Variants in LUZP2 observed in about 807,000 individuals in gnomAD.
LUZP2 encodes the protein leucine zipper protein 2.
A neutral mutation model predicts 51.6 loss-of-function variants in LUZP2; 52 were observed. The observed-to-expected ratio is 1.01, with a 90% CI of 0.81 to 1.27. The LOEUF (loss-of-function observed/expected upper bound fraction) is 1.27, where lower values mean the gene tolerates loss of function less well. Ranked by LOEUF, LUZP2 falls within the 50% of genes most tolerant of loss-of-function variation. The pLI, the probability that LUZP2 is intolerant of heterozygous loss-of-function variation, is 0.00. For synonymous variants in LUZP2, 154 were observed against 137.3 expected (o/e 1.12, Z -0.85); for missense variants, 436 against 395.4 (o/e 1.10, Z -0.87).
At chr11:25,010,223 A>G (rs1303619907) in intron 9 of LUZP2, among the ~76,000 whole-genome samples, 5 of 152,184 alleles carry the variant, frequency 3.3e-5, no homozygotes, top group African/African-American at 1.2e-4. Context: ...TTATTTTAAC[A>G]TATTTAAGAA....
intron 10 of LUZP2, among the ~76,000 whole-genome samples, chr11:25,067,573 A>G (rs1030944296): frequency 3.9e-5 from 6 of 152,034 alleles, no homozygotes; most frequent in Non-Finnish European, 5.9e-5. Context: ...CATGTGAAAA[A>G]TGCTCATCAT....
At chr11:24,904,553 G>A (rs1158930950) in intron 5 of LUZP2, among the ~76,000 whole-genome samples, 1 of 152,128 alleles carries the variant, frequency 6.6e-6, no homozygotes, top group Non-Finnish European at 1.5e-5. Context: ...AAAGTGCTGG[G>A]ATTACAGGCA....
At chr11:24,980,544 G>T (rs181223204) in intron 8 of LUZP2, among the ~76,000 whole-genome samples, 1 of 151,456 alleles carries the variant, frequency 6.6e-6, no homozygotes, top group Non-Finnish European at 1.5e-5. Flanking sequence ...TATAACAAGC[G>T]TGTGTTGTGT....
chr11:24,747,585 A>C (rs1279718429), intron 4 of LUZP2, among the ~76,000 whole-genome samples: 2 of 152,108 alleles, frequency 1.3e-5, no homozygotes, highest in Non-Finnish European at 2.9e-5. Context: ...GAGACAAACC[A>C]ACAGTGAGCA....
At chr11:24,830,798 T>A (rs917237194) in intron 5 of LUZP2, among the ~76,000 whole-genome samples, 4 of 151,620 alleles carry the variant, frequency 2.6e-5, no homozygotes, top group Non-Finnish European at 4.4e-5. Context: ...ATCGAGACCA[T>A]CCTGGCTAAC....
chr11:24,954,851 C>T (rs1255475358), intron 7 of LUZP2, among the ~76,000 whole-genome samples: 2 of 152,002 alleles, frequency 1.3e-5, no homozygotes, highest in East Asian at 1.9e-4. Context: ...AAATGATATT[C>T]GTAGTGCAAA....
At chr11:24,713,712 G>T (rs2133936397) in intron 1 of LUZP2, among the ~76,000 whole-genome samples, 1 of 114,650 alleles carries the variant, frequency 8.7e-6, no homozygotes, top group African/African-American at 3.3e-5. Context: ...TTTCTGAGAT[G>T]GAGTCTTGCT....
At chr11:25,064,352 G>C (rs1017557338) in intron 10 of LUZP2, among the ~76,000 whole-genome samples, 2 of 151,886 alleles carry the variant, frequency 1.3e-5, no homozygotes, top group Admixed American at 1.3e-4. Flanking sequence ...CTTTATAATT[G>C]CTTGTTAAAT....
At chr11:24,805,690 G>T (rs1849834061) in intron 5 of LUZP2, among the ~76,000 whole-genome samples, 1 of 152,122 alleles carries the variant, frequency 6.6e-6, no homozygotes, top group South Asian at 2.1e-4. Flanking sequence ...TGGCCATTGA[G>T]GTTTTCTAGC....
At chr11:24,528,266 G>T (rs751838742) in intron 1 of LUZP2, among the ~76,000 whole-genome samples, 8 of 150,404 alleles carry the variant, frequency 5.3e-5, no homozygotes, top group Non-Finnish European at 1.2e-4. Flanking sequence ...GAGAAGCACT[G>T]GTTTAAAAAA....
At position 24,598,605 on chromosome 11, in the gene LUZP2, A is replaced by G. The variant is rs78173999; in HGVS notation, c.62+101300A>G. 3.7e-3 allele frequency among the ~76,000 whole-genome samples: 561 copies of G among 152,242 alleles called. 3 individuals are homozygous for G. The highest frequency in any genetic ancestry group is 0.013 in the African/African-American group (542 of 41,554). On this transcript the variant is annotated intron_variant, in intron 1 of 11. Transcript: ENST00000336930. ...ACTGTGTTCAGAAAAAACAAAAATG[A>G]TGCTTTCATATGGTCCCTGAAAATA...
intron 1 of LUZP2, among the ~76,000 whole-genome samples, chr11:24,728,834 G>A (rs1237379063): frequency 1.3e-5 from 2 of 151,982 alleles, no homozygotes; most frequent in Non-Finnish European, 2.9e-5. Flanking sequence ...TAAAGAAAAA[G>A]AGGTTTAGTG....
At chr11:24,952,228 T>C (rs1855098677) in intron 7 of LUZP2, among the ~76,000 whole-genome samples, 2 of 151,712 alleles carry the variant, frequency 1.3e-5, no homozygotes, top group Non-Finnish European at 2.9e-5. Context: ...CTATGTATCG[T>C]GATCACATTT....
intron 1 of LUZP2, among the ~76,000 whole-genome samples, chr11:24,642,806 A>T (rs868735966): frequency 2.0e-5 from 3 of 152,120 alleles, no homozygotes; most frequent in Non-Finnish European, 4.4e-5. Flanking sequence ...AAGTTATTGA[A>T]TGGAAAATTA....
intron 10 of LUZP2, among the ~76,000 whole-genome samples, chr11:25,071,254 A>T (rs1372851241): frequency 6.6e-6 from 1 of 152,042 alleles, no homozygotes; most frequent in African/African-American, 2.4e-5. Flanking sequence ...TTTCACATAT[A>T]TTTATATGTC....
At chr11:24,610,155 C>T (rs1042983661) in intron 1 of LUZP2, among the ~76,000 whole-genome samples, 27 of 152,090 alleles carry the variant, frequency 1.8e-4, no homozygotes, top group Admixed American at 1.7e-3. Context: ...CGAAGAGGAA[C>T]GTGATGGGGA....
intron 9 of LUZP2, among the ~76,000 whole-genome samples, chr11:25,042,453 A>G (rs1205930233): frequency 6.6e-6 from 1 of 152,194 alleles, no homozygotes; most frequent in Non-Finnish European, 1.5e-5. Context: ...GGGAATATTA[A>G]ATTATTTTGC....
Position 24,735,555 on chromosome 11 carries a change from G to T in LUZP2, c.252-2666G>T, listed in dbSNP as rs1312131984. On this transcript the variant is annotated intron_variant, in intron 3 of 11. Transcript: ENST00000336930. ...GAAAACTAAAACAAAGCCTGGAATT[G>T]TGGCAAGTTCTTGATCTGTGATGTT... Among the ~76,000 whole-genome samples the T allele has an allele frequency of 2.0e-5, 3 of 152,024 alleles. No individual in the cohort carries two copies. In the East Asian group the frequency reaches 5.8e-4, roughly 29 times the overall value.
chr11:24,772,259 T>C (rs1860449054), intron 5 of LUZP2, among the ~76,000 whole-genome samples: 1 of 152,228 alleles, frequency 6.6e-6, no homozygotes, highest in African/African-American at 2.4e-5. Context: ...CTCACTTTGG[T>C]TCAACTCTTG....
Sources: allele counts gnomAD v4.1 joint callset (sites outside exome capture counted in the v4.1 genomes callset), GRCh38; gene constraint gnomAD v4.1.1; transcripts MANE v1.5; gene names NCBI Gene and HGNC (gene_info 2026-07-23, HGNC 2026-07-21).